MILR1: variants seen among roughly 807,000 people sequenced by gnomAD.
The protein encoded by MILR1 is mast cell immunoglobulin like receptor 1.
A neutral mutation model predicts 18.5 loss-of-function variants in MILR1; 31 were observed. The observed-to-expected ratio is 1.68, with a 90% confidence interval of 1.26 to 2.26. The LOEUF is 2.26. Ranked by LOEUF, MILR1 falls within the 30% of genes most tolerant of loss-of-function variation. The pLI, the probability that MILR1 is intolerant of heterozygous loss-of-function variation, is 0.00. For missense variants in MILR1, 257 were observed against 157.4 expected (o/e 1.63, Z -3.38); for synonymous variants, 85 against 56.2 (o/e 1.51, Z -2.30).
chr17:64,466,162 A>C (rs969435503), intron 6 of MILR1, among the ~76,000 whole-genome samples: 6 of 152,170 alleles, frequency 3.9e-5, no homozygotes, highest in Middle Eastern at 3.2e-3. Context: ...AAACCATCAG[A>C]TCTTGTGAGA....
At chr17:64,492,090 G>A in the MILR1 span, among the ~76,000 whole-genome samples, 1 of 151,954 alleles carries the variant, frequency 6.6e-6, no homozygotes, top group African/African-American at 2.4e-5. Context: ...AATGAAGAGG[G>A]GAAGTTAACC....
At chr17:64,451,288 C>T (rs2037165743) in intron 2 of MILR1, among the ~76,000 whole-genome samples, 2 of 151,934 alleles carry the variant, frequency 1.3e-5, no homozygotes, top group Non-Finnish European at 2.9e-5. Context: ...CATACAGGTA[C>T]GCACCATCAT....
the MILR1 span, chr17:64,496,416 G>A: frequency 6.4e-7 from 1 of 1,574,390 alleles, no homozygotes; most frequent in East Asian, 2.3e-5. Context: ...CCGTGAAGAA[G>A]GTTCTCCCGT....
At chr17:64,490,875 T>C in the MILR1 span, 3 of 1,613,566 alleles carry the variant, frequency 1.9e-6, no homozygotes, top group Admixed American at 1.7e-5. Context: ...TATTAACTCC[T>C]TTCCCCAGGG....
chr17:64,485,924 T>C, the MILR1 span: 4 of 1,584,676 alleles, frequency 2.5e-6, no homozygotes, highest in East Asian at 9.0e-5. Flanking sequence ...TTTGTTTGTT[T>C]GTTTTTGAGA....
chr17:64,479,218 C>G, the MILR1 span, among the ~76,000 whole-genome samples: 61 of 145,330 alleles, frequency 4.2e-4, no homozygotes, highest in Admixed American at 9.7e-4. Context: ...GAGTCTCGCT[C>G]TGTCACCCAG....
chr17:64,485,684 A>T, the MILR1 span: 1 of 1,506,566 alleles, frequency 6.6e-7, no homozygotes, highest in Non-Finnish European at 9.2e-7. Flanking sequence ...AAACAAACCC[A>T]TATTTTTAGT....
the MILR1 span, chr17:64,483,129 T>G: frequency 2.3e-4 from 134 of 580,954 alleles, no homozygotes; most frequent in African/African-American, 2.3e-3. Flanking sequence ...ATTTTCTGTG[T>G]GAAAACAGAA....
intron 3 of MILR1, among the ~76,000 whole-genome samples, chr17:64,456,061 T>TA (rs1247324293): frequency 3.3e-5 from 5 of 149,490 alleles, no homozygotes; most frequent in Non-Finnish European, 4.5e-5. Flanking sequence ...AGAAAGTAAA[T>TA]AAAAAAAAAA....
chr17:64,461,732 C>T (rs979705148), intron 5 of MILR1, among the ~76,000 whole-genome samples: 59 of 152,202 alleles, frequency 3.9e-4, no homozygotes, highest in Admixed American at 2.6e-3. Context: ...TTCATCTTCC[C>T]AAACTGAAAC....
chr17:64,461,984 C>T (rs1271969351), intron 5 of MILR1, among the ~76,000 whole-genome samples: 9 of 152,276 alleles, frequency 5.9e-5, no homozygotes, highest in East Asian at 5.8e-4. Flanking sequence ...TACATAAATA[C>T]GCCACACTTT....
chr17:64,490,758 TG>T, the MILR1 span: 1 of 1,505,168 alleles, frequency 6.6e-7, no homozygotes, highest in Non-Finnish European at 9.3e-7. Flanking sequence ...ATAGAGAATC[TG>T]GGTAAAAAAT....
At chr17:64,478,109 G>A in the MILR1 span, 2 of 991,810 alleles carry the variant, frequency 2.0e-6, no homozygotes, top group Non-Finnish European at 3.0e-6. Context: ...GGGCTTAAGG[G>A]TGGACCAAAA....
chr17:64,497,311 ACT>A, the MILR1 span, among the ~76,000 whole-genome samples: 1 of 152,224 alleles, frequency 6.6e-6, no homozygotes, highest in Non-Finnish European at 1.5e-5. Context: ...TCCTTCTGCC[ACT>A]GTTTTGCAGT....
chr17:64,486,276 G>C, the MILR1 span, among the ~76,000 whole-genome samples: 4 of 152,076 alleles, frequency 2.6e-5, no homozygotes, highest in Non-Finnish European at 5.9e-5. Context: ...ACTGGAGAGG[G>C]ACTTAGGCAT....
chr17:64,480,322 G>A, the MILR1 span: 1 of 1,593,888 alleles, frequency 6.3e-7, no homozygotes, highest in South Asian at 1.1e-5. Context: ...GGACTGCATA[G>A]TTTCCAAATA....
chr17:64,492,730 A>C, the MILR1 span: 25 of 1,613,504 alleles, frequency 1.5e-5, no homozygotes, highest in South Asian at 4.4e-5. Context: ...AAGTTCTCGG[A>C]GGAGTAAACC....
intron 7 of MILR1, 40 bp downstream of exon 7, chr17:64,466,538 C>G: frequency 6.2e-7 from 1 of 1,611,336 alleles, no homozygotes. Context: ...TGCCCTCATG[C>G]GCTTAGAAAT....
chr17:64,478,042 C>T, the MILR1 span: 9 of 1,576,324 alleles, frequency 5.7e-6, no homozygotes, highest in East Asian at 1.6e-4. Context: ...ATAATAAATT[C>T]CTCCACGTTG....
Sources: gnomAD v4.1 joint callset for allele counts (sites outside exome capture counted in the v4.1 genomes callset) on GRCh38, gnomAD v4.1.1 for gene constraint, MANE v1.5 for transcripts, NCBI Gene and HGNC (gene_info 2026-07-23, HGNC 2026-07-21) for gene names.